OSBPL9: variants seen among roughly 807,000 people sequenced by gnomAD.
OSBPL9 encodes oxysterol-binding protein-related protein 9.
Under a neutral mutation model 106.6 loss-of-function variants are expected in OSBPL9, and 40 were observed. That is an observed-to-expected ratio of 0.38 (90% CI 0.29 to 0.49). The LOEUF (loss-of-function observed/expected upper bound fraction) is 0.49, where lower values mean the gene tolerates loss of function less well. OSBPL9 is among the 20% of genes least tolerant of loss of function. OSBPL9 has a pLI of 0.97. For missense variants in OSBPL9, 609 were observed against 887.2 expected (o/e 0.69, Z 3.98); for synonymous variants, 269 against 295.4 (o/e 0.91, Z 0.92).
At chr1:51,785,533 A>G in intron 20 of OSBPL9, 1 of 434,586 alleles carries the variant, frequency 2.3e-6, no homozygotes, top group Non-Finnish European at 4.1e-6. Context: ...CAGCTTGAGG[A>G]TAGGGAATTT....
At chr1:51,566,811 T>A in the OSBPL9 span, among the ~76,000 whole-genome samples, 4 of 152,204 alleles carry the variant, frequency 2.6e-5, no homozygotes, top group Admixed American at 1.3e-4. Flanking sequence ...TTTCTGCCTG[T>A]CCCACTAGAC....
chr1:51,749,317 T>C (rs577906088), intron 7 of OSBPL9, among the ~76,000 whole-genome samples: 67 of 152,192 alleles, frequency 4.4e-4, no homozygotes, highest in Non-Finnish European at 8.1e-4. Flanking sequence ...CAAAGTCTTT[T>C]TATTTTTTTT....
intron 1 of OSBPL9, among the ~76,000 whole-genome samples, chr1:51,581,134 A>G (rs187871013): frequency 1.3e-4 from 20 of 149,348 alleles, no homozygotes; most frequent in African/African-American, 4.7e-4. Flanking sequence ...CATGTTGCCC[A>G]GGTTGGCCTC....
chr1:51,670,717 G>A (rs1395213358), intron 3 of OSBPL9, among the ~76,000 whole-genome samples: 1 of 152,186 alleles, frequency 6.6e-6, no homozygotes, highest in Admixed American at 6.5e-5. Context: ...ATGCTGTCCT[G>A]AAATTTTCTA....
chr1:51,752,439 T>C (rs1248861006), intron 8 of OSBPL9: 1 of 438,692 alleles, frequency 2.3e-6, no homozygotes, highest in Non-Finnish European at 4.6e-6. Flanking sequence ...CGTGGCCTCG[T>C]ATCACTAGTC....
intron 3 of OSBPL9, among the ~76,000 whole-genome samples, chr1:51,672,730 G>A (rs2148772032): frequency 6.6e-6 from 1 of 152,278 alleles, no homozygotes; most frequent in African/African-American, 2.4e-5. Flanking sequence ...TCTGAAGGTT[G>A]AGCTGTAACA....
chr1:51,685,293 C>CT (rs1653522191), intron 3 of OSBPL9, among the ~76,000 whole-genome samples: 1 of 152,146 alleles, frequency 6.6e-6, no homozygotes, highest in African/African-American at 2.4e-5. Flanking sequence ...TTAAATATCT[C>CT]TAAGTTAAAG....
intron 4 of OSBPL9, among the ~76,000 whole-genome samples, chr1:51,721,642 A>G (rs945091704): frequency 6.6e-6 from 1 of 152,232 alleles, no homozygotes; most frequent in Non-Finnish European, 1.5e-5. Flanking sequence ...ACTTCACTGA[A>G]GATTAGCTTT....
the OSBPL9 span, among the ~76,000 whole-genome samples, chr1:51,559,295 G>A: frequency 6.6e-6 from 1 of 152,068 alleles, no homozygotes; most frequent in African/African-American, 2.4e-5. Flanking sequence ...GTGTGGGGGT[G>A]GGGGTTGCGG....
rs755851245 is a variant in OSBPL9 at position 51,765,868 on chromosome 1, C to T, written c.825C>T (p.His275=). 7.4e-6 allele frequency: 12 copies of T among 1,613,942 alleles called. No individual in the cohort carries two copies. In the Admixed American group the frequency reaches 8.3e-5, roughly 11 times the overall value. Residue 275 remains histidine (H), a synonymous_variant, in exon 12 of 24, where the codon CAC becomes CAT. Coordinates refer to ENST00000428468, the MANE Select transcript of OSBPL9 (RefSeq NM_024586.6). Reference sequence around the variant, plus strand: ...GTAGCAGTCTCACTTCTCCAAGCCACGTGAACTTGTCTCCAAATACAGTCC... The same window carrying T: ...GTAGCAGTCTCACTTCTCCAAGCCATGTGAACTTGTCTCCAAATACAGTCC... ...PPSSSLTSPS[H]VNLSPNTVPE...
In OSBPL9 at chr1:51,781,221, C is replaced by T. The variant is rs1676309116; in HGVS notation, c.1314C>T (p.Leu438=). 1 of 1,613,992 alleles carries T rather than the reference C, an allele frequency of 6.2e-7. No homozygotes were observed. The highest frequency in any genetic ancestry group is 1.3e-5 in the African/African-American group (1 of 74,886). The change falls in exon 16 of 24, where the codon CTC becomes CTT. Residue 438 remains leucine, a synonymous_variant. Transcript: ENST00000428468. ...TGGTTCAGGTTGTGAAATGGTACCT[C>T]TCAGCCTTTCATGCGGGAAGGAAAG... ...DRMVQVVKWY[L]SAFHAGRKGS...
In OSBPL9 at chr1:51,776,185, C is replaced by T. The variant is rs577379422; in HGVS notation, c.1171-648C>T. ...TTCTTTTTGTTTATTCCTTTAATTG[C>T]TCATTTAAAAGTTTCTTACTGTGTA... On this transcript the variant is annotated intron_variant, in intron 14 of 23. Transcript: ENST00000428468. Among the ~76,000 whole-genome samples, 20 of 152,034 alleles carry T rather than the reference C, an allele frequency of 1.3e-4. No homozygotes were observed. In the South Asian group the frequency reaches 3.3e-3, roughly 25 times the overall value.
the OSBPL9 span, chr1:51,519,118 G>T: frequency 4.0e-6 from 4 of 1,010,064 alleles, no homozygotes; most frequent in Admixed American, 3.4e-5. Context: ...TGGCCCACAA[G>T]CCAAGAAGTC....
chr1:51,599,482 T>C (rs1020183245), intron 2 of OSBPL9, among the ~76,000 whole-genome samples: 1 of 152,124 alleles, frequency 6.6e-6, no homozygotes, highest in Non-Finnish European at 1.5e-5. Context: ...AATGAATAGA[T>C]GAATTTTAAA....
chr1:51,565,133 T>G, the OSBPL9 span, among the ~76,000 whole-genome samples: 1 of 152,202 alleles, frequency 6.6e-6, no homozygotes, highest in African/African-American at 2.4e-5. Context: ...GGGGCTGGAC[T>G]CCAGTTACCT....
intron 3 of OSBPL9, among the ~76,000 whole-genome samples, chr1:51,679,930 A>G (rs538453330): frequency 1.7e-4 from 26 of 152,354 alleles, no homozygotes; most frequent in African/African-American, 5.8e-4. Flanking sequence ...AGGAAAAAAT[A>G]TATAGTATAT....
At chr1:51,649,401 G>C (rs551234459) in intron 1 of OSBPL9, among the ~76,000 whole-genome samples, 2 of 152,288 alleles carry the variant, frequency 1.3e-5, no homozygotes, top group African/African-American at 4.8e-5. Flanking sequence ...GTGAGCCACT[G>C]TTCCTGGCCT....
chr1:51,750,053 T>C (rs1191765615), intron 7 of OSBPL9, 92 bp from the exon 8 acceptor site: 4 of 869,338 alleles, frequency 4.6e-6, no homozygotes, highest in Non-Finnish European at 5.3e-6. Flanking sequence ...TTAAACTCTA[T>C]ACATCTGAAC....
chr1:51,788,071 T>C lies in OSBPL9; in HGVS notation c.*282T>C. On this transcript the variant is annotated 3_prime_UTR_variant, in exon 24 of 24. Coordinates refer to ENST00000428468, the MANE Select transcript of OSBPL9 (RefSeq NM_024586.6). ...TTCCAAACACCACACGTTGAAAGCA[T>C]TTATAAATCCAAGTCTGAAACTCTG... The C allele has an allele frequency of 2.3e-6, 1 of 426,622 alleles. No homozygotes were observed. The highest frequency in any genetic ancestry group is 2.9e-5 in the South Asian group (1 of 35,076). 26.4% of individuals were successfully genotyped at this position (426,622 alleles called of 1,614,324 possible).
Sources: gnomAD v4.1 joint callset for allele counts (sites outside exome capture counted in the v4.1 genomes callset) on GRCh38, gnomAD v4.1.1 for gene constraint, MANE v1.5 for transcripts, NCBI Gene and HGNC (gene_info 2026-07-23, HGNC 2026-07-21) for gene names.